Variants in MAP2 observed in about 807,000 individuals in gnomAD.
The protein encoded by MAP2 is microtubule associated protein 2.
A neutral mutation model predicts 137.6 loss-of-function variants in MAP2; 14 were observed. The observed-to-expected ratio is 0.10, with a 90% CI of 0.07 to 0.16. The LOEUF is 0.16. Among genes scored for constraint, MAP2 ranks in the 10% least tolerant of loss-of-function variants. The pLI, the probability that MAP2 is intolerant of heterozygous loss-of-function variation, is 1.00. For synonymous variants in MAP2, 786 were observed against 782.3 expected (o/e 1.00, Z -0.08); for missense variants, 2,088 against 2,191.5 (o/e 0.95, Z 0.94).
At chr2:209,481,264 G>C (rs1462022364) in intron 1 of MAP2, among the ~76,000 whole-genome samples, 1 of 152,168 alleles carries the variant, frequency 6.6e-6, no homozygotes, top group Non-Finnish European at 1.5e-5. Context: ...CCCAACAGAA[G>C]AATGCTTTTC....
chr2:209,512,125 T>TA (rs1238366892), intron 2 of MAP2, among the ~76,000 whole-genome samples: 1 of 152,100 alleles, frequency 6.6e-6, no homozygotes, highest in Non-Finnish European at 1.5e-5. Context: ...AAAAATAACT[T>TA]ATACTTCATT....
chr2:209,657,249 G>A (rs959331367), intron 5 of MAP2, among the ~76,000 whole-genome samples: 6 of 152,160 alleles, frequency 3.9e-5, no homozygotes, highest in Non-Finnish European at 5.9e-5. Flanking sequence ...ATGAGTGCAG[G>A]TGTCTTTGAT....
chr2:209,567,557 T>C (rs1322750351), intron 2 of MAP2, among the ~76,000 whole-genome samples: 1 of 152,002 alleles, frequency 6.6e-6, no homozygotes, highest in Non-Finnish European at 1.5e-5. Flanking sequence ...TATTTTTGCA[T>C]TCCATTTGAA....
At chr2:209,546,706 T>A (rs1389836533) in intron 2 of MAP2, among the ~76,000 whole-genome samples, 1 of 152,206 alleles carries the variant, frequency 6.6e-6, no homozygotes, top group Non-Finnish European at 1.5e-5. Flanking sequence ...ACAAAATTTG[T>A]TTGATTCTCA....
chr2:209,729,401 A>T (rs909755399), intron 14 of MAP2, among the ~76,000 whole-genome samples: 13 of 152,330 alleles, frequency 8.5e-5, no homozygotes, highest in Admixed American at 3.9e-4. Context: ...TCCAGCCTAA[A>T]TCTTCTTTGG....
chr2:209,709,668 A>C (rs2064762484), intron 12 of MAP2, among the ~76,000 whole-genome samples: 2 of 152,144 alleles, frequency 1.3e-5, no homozygotes, highest in African/African-American at 4.8e-5. Context: ...CGGAGAACAA[A>C]TCAGAAAAAA....
chr2:209,428,446 C>T (rs1352197493), intron 1 of MAP2, among the ~76,000 whole-genome samples: 2 of 150,610 alleles, frequency 1.3e-5, no homozygotes, highest in South Asian at 2.1e-4. Context: ...GATCACATAC[C>T]TTGACTTTTT....
intron 2 of MAP2, among the ~76,000 whole-genome samples, chr2:209,536,596 G>T (rs927649922): frequency 1.3e-5 from 2 of 152,166 alleles, no homozygotes; most frequent in Non-Finnish European, 2.9e-5. Flanking sequence ...CTTCTCACAT[G>T]GTTCCAGAGT....
intron 13 of MAP2, among the ~76,000 whole-genome samples, chr2:209,713,533 G>A (rs1416835864): frequency 6.6e-6 from 1 of 152,182 alleles, no homozygotes; most frequent in African/African-American, 2.4e-5. Context: ...TAGATTCAGT[G>A]TAGATAATTA....
chr2:209,448,403 A>T lies in MAP2; in HGVS notation c.-222+24127A>T, dbSNP rs549536473. Among the ~76,000 whole-genome samples the T allele has an allele frequency of 7.2e-5, 11 of 152,278 alleles. No homozygotes were observed. In the East Asian group the frequency reaches 1.9e-3, roughly 27 times the overall value. ...ATTAATAATTAACTGCTTCCCAAGG[A>T]TTAACAGAACAACATACCTGGACTA... On this transcript the variant is annotated intron_variant, in intron 1 of 15. Coordinates refer to ENST00000682079, the MANE Select transcript of MAP2 (RefSeq NM_001375505.1).
At chr2:209,594,638 A>G (rs1366085612) in intron 3 of MAP2, among the ~76,000 whole-genome samples, 1 of 152,164 alleles carries the variant, frequency 6.6e-6, no homozygotes, top group Non-Finnish European at 1.5e-5. Flanking sequence ...AATAGAGAGA[A>G]GTGTGTGTAA....
intron 7 of MAP2, chr2:209,690,987 T>C (rs2058700861): frequency 6.0e-6 from 5 of 838,432 alleles, no homozygotes; most frequent in Non-Finnish European, 8.0e-6. Flanking sequence ...GTAGGCTTAA[T>C]GTGCAGAGAG....
intron 1 of MAP2, among the ~76,000 whole-genome samples, chr2:209,432,335 T>G (rs889853228): frequency 1.1e-4 from 17 of 152,160 alleles, no homozygotes; most frequent in Admixed American, 4.6e-4. Flanking sequence ...CCCTCTTGGT[T>G]GTTGTTGTTG....
intron 1 of MAP2, among the ~76,000 whole-genome samples, chr2:209,474,301 G>T (rs1203955899): frequency 6.6e-6 from 1 of 152,126 alleles, no homozygotes; most frequent in African/African-American, 2.4e-5. Context: ...TAAAGACAAT[G>T]ACTTTACTGC....
chr2:209,621,504 C>G lies in MAP2; in HGVS notation c.-106-3549C>G, dbSNP rs376555063. ...GAACTTCTGACCTCAGGTGATCCAC[C>G]CTCCTCAGCCTCCCAAAGTGCTAGG... On this transcript the variant is annotated intron_variant, in intron 3 of 15. Transcript: ENST00000682079. Among the ~76,000 whole-genome samples, 8 of 151,864 alleles carry G rather than the reference C, an allele frequency of 5.3e-5. No homozygotes were observed. In the East Asian group the frequency reaches 1.6e-3, roughly 30 times the overall value.
At chr2:209,653,741 T>C (rs2094952368) in intron 5 of MAP2, among the ~76,000 whole-genome samples, 1 of 151,676 alleles carries the variant, frequency 6.6e-6, no homozygotes, top group Admixed American at 6.6e-5. Context: ...TTACAAATAG[T>C]TTTTTTTTAA....
chr2:209,508,749 G>A (rs1006628032), intron 2 of MAP2, among the ~76,000 whole-genome samples: 3 of 151,792 alleles, frequency 2.0e-5, no homozygotes, highest in South Asian at 4.2e-4. Context: ...AAAGAAAAAA[G>A]GTGAAATGTC....
intron 5 of MAP2, among the ~76,000 whole-genome samples, chr2:209,678,237 C>A (rs1303400902): frequency 1.3e-5 from 2 of 151,940 alleles, no homozygotes; most frequent in Non-Finnish European, 2.9e-5. Flanking sequence ...GCAGGGGATA[C>A]AAACACTCAT....
chr2:209,714,003 C>A (rs928550303), intron 13 of MAP2, among the ~76,000 whole-genome samples: 15 of 151,760 alleles, frequency 9.9e-5, no homozygotes, highest in African/African-American at 3.1e-4. Flanking sequence ...ACCAGCCTGG[C>A]CAACATGGTG....
Sources: allele counts gnomAD v4.1 joint callset (sites outside exome capture counted in the v4.1 genomes callset), GRCh38; gene constraint gnomAD v4.1.1; transcripts MANE v1.5; gene names NCBI Gene and HGNC (gene_info 2026-07-23, HGNC 2026-07-21).